IL5: variants seen among roughly 807,000 people sequenced by gnomAD.
IL5 encodes the protein interleukin 5, also known as interleukin-5.
A neutral mutation model predicts 16.3 loss-of-function variants in IL5; 12 were observed. That is an observed-to-expected ratio of 0.74 (90% confidence interval 0.47 to 1.20). The LOEUF (loss-of-function observed/expected upper bound fraction) is 1.20. IL5 is among the 50% of genes most tolerant of loss of function. IL5 has a pLI of 0.00. For missense variants in IL5, 159 were observed against 153.9 expected, an observed-to-expected ratio of 1.03 and a Z score of -0.17; for synonymous variants, 54 against 56.6, an observed-to-expected ratio of 0.95 and a Z score of 0.21.
At chr5:132,554,636 G>C (rs1749942614) in intron 1 of IL5, among the ~76,000 whole-genome samples, 1 of 152,142 alleles carries the variant, frequency 6.6e-6, no homozygotes, top group Admixed American at 6.6e-5. Context: ...CAGTATGGCA[G>C]TTCCTCAAAT....
intron 2 of IL5, 81 bp from the exon 3 acceptor site, chr5:132,542,224 A>G: frequency 2.4e-6 from 2 of 850,636 alleles, no homozygotes; most frequent in Middle Eastern, 2.3e-4. Flanking sequence ...TGCAATGTAT[A>G]CATACTTCAA....
At chr5:132,543,558 G>C, upstream of IL5, 2 of 1,398,830 alleles carry the variant, frequency 1.4e-6, no homozygotes, top group Non-Finnish European at 1.9e-6. Context: ...TTTATTGTCT[G>C]TCTTTGAGGA....
chr5:132,544,451 A>G (rs1456873644), upstream of IL5, among the ~76,000 whole-genome samples: 1 of 152,226 alleles, frequency 6.6e-6, no homozygotes, highest in African/African-American at 2.4e-5. Flanking sequence ...TAAGGGGGAC[A>G]CAGATTCTAG....
At chr5:132,556,553 A>T (rs1749988149) in intron 1 of IL5, 1 of 400,278 alleles carries the variant, frequency 2.5e-6, no homozygotes, top group African/African-American at 2.2e-5. Flanking sequence ...ACACATGCGC[A>T]CATTCCATTA....
At chr5:132,552,939 T>C (rs1349909211) in intron 1 of IL5, among the ~76,000 whole-genome samples, 1 of 152,152 alleles carries the variant, frequency 6.6e-6, no homozygotes, top group Non-Finnish European at 1.5e-5. Flanking sequence ...TTTCACCGTG[T>C]TAGCCAGGAT....
chr5:132,544,431 G>A (rs1272745325), upstream of IL5, among the ~76,000 whole-genome samples: 6 of 152,160 alleles, frequency 3.9e-5, no homozygotes. Flanking sequence ...GAAATGTGGG[G>A]TCCCAGTAGT....
intron 1 of IL5, among the ~76,000 whole-genome samples, chr5:132,554,709 T>C (rs1382171125): frequency 2.0e-5 from 3 of 152,166 alleles, no homozygotes; most frequent in Non-Finnish European, 2.9e-5. Context: ...CCCAAAAGAA[T>C]TGAAAGCAGG....
upstream of IL5, among the ~76,000 whole-genome samples, chr5:132,545,502 A>G (rs1749769235): frequency 6.6e-6 from 1 of 152,076 alleles, no homozygotes; most frequent in Non-Finnish European, 1.5e-5. Flanking sequence ...AAAATAAAAA[A>G]TTGGGCTAAA....
chr5:132,556,654 T>C (rs1749990409), intron 1 of IL5: 2 of 1,213,186 alleles, frequency 1.6e-6, no homozygotes, highest in Non-Finnish European at 2.1e-6. Context: ...AAAAGGAAAA[T>C]AGTTTTGACA....
intron 2 of IL5, 140 bp downstream of exon 2, chr5:132,542,954 A>G: frequency 4.7e-6 from 3 of 644,318 alleles, no homozygotes; most frequent in Non-Finnish European, 8.4e-6. Flanking sequence ...CATATTTATA[A>G]GTACAGACAT....
At chr5:132,550,797 G>T (rs889459509) in intron 1 of IL5, among the ~76,000 whole-genome samples, 4 of 152,206 alleles carry the variant, frequency 2.6e-5, no homozygotes, top group African/African-American at 9.7e-5. Flanking sequence ...CCAGAAGGAA[G>T]AAGTGACGCA....
At chr5:132,551,570 G>A (rs752381416) in intron 1 of IL5, among the ~76,000 whole-genome samples, 7 of 150,832 alleles carry the variant, frequency 4.6e-5, no homozygotes, top group Non-Finnish European at 8.8e-5. Context: ...GCATGTGTGT[G>A]TGTTCTGTGA....
At chr5:132,552,764 C>A (rs1460557885) in intron 1 of IL5, among the ~76,000 whole-genome samples, 1 of 152,134 alleles carries the variant, frequency 6.6e-6, no homozygotes, top group African/African-American at 2.4e-5. Flanking sequence ...GAGATAGAGT[C>A]CTGCTCTGTC....
intron 2 of IL5, among the ~76,000 whole-genome samples, chr5:132,542,409 A>G (rs567857406): frequency 2.0e-5 from 3 of 152,286 alleles, no homozygotes; most frequent in Admixed American, 1.3e-4. Flanking sequence ...ACATATTAAG[A>G]TAAAATTTTC....
At position 132,543,095 on chromosome 5, in the gene IL5, T is replaced by C; in HGVS notation, c.176A>G (p.Asn59Ser). The change falls in exon 2 of 4, where the codon AAT becomes AGT. Residue 59 changes from asparagine (N) to serine (S), a missense_variant and splice_region_variant. Transcript: ENST00000231454. ...TTACTGAATCATAATTTAACTTACA[T>C]TTTTATGTACAGGAACAGGAATCCT... ...TLRIPVPVHK[N>S]HQLCTEEIFQ... 6.2e-7 allele frequency: 1 copy of C among 1,600,534 alleles called. No homozygotes were observed. Among genetic ancestry groups the C allele is most frequent in the Non-Finnish European group, 8.6e-7 (1 of 1,168,536 alleles).
chr5:132,541,713 C>A lies in IL5; in HGVS notation c.*98G>T, dbSNP rs201000945. ...ACTTTCCCTCTGAAGTTAAATTATA[C>A]TGAAAATTAAGGCCTGACTCTTTCT... On this transcript the variant is annotated 3_prime_UTR_variant, in exon 4 of 4. Transcript: ENST00000231454. 5 of 676,392 alleles carry A rather than the reference C, an allele frequency of 7.4e-6. No individual in the cohort carries two copies. Among genetic ancestry groups the A allele is most frequent in the Non-Finnish European group, 1.3e-5 (5 of 396,096 alleles). The allele number at this position is 676,392 out of a possible 1,614,324, so 41.9% of individuals were successfully genotyped here.
Position 132,542,878 on chromosome 5 carries a change from TAAC to T in IL5, c.177+213_177+215del, listed in dbSNP as rs759882592. On this transcript the variant is annotated intron_variant, in intron 2 of 3. Coordinates refer to ENST00000231454, the MANE Select transcript of IL5 (RefSeq NM_000879.3). ...ACACGATGCTCTTTGGGAGGCAAAC[TAAC>T]AACATCACCAAAGAGCCTAATCCAC... Among the ~76,000 whole-genome samples the T allele has an allele frequency of 6.0e-4, 92 of 152,302 alleles. No homozygotes were observed. In the Middle Eastern group the frequency reaches 0.014, roughly 23 times the overall value.
upstream of IL5, among the ~76,000 whole-genome samples, chr5:132,546,299 C>T (rs1749785626): frequency 1.3e-5 from 2 of 152,094 alleles, no homozygotes; most frequent in African/African-American, 2.4e-5. Flanking sequence ...CATTAAACAA[C>T]AGCTCCCAAC....
rs1749695802 is a variant in IL5, at chr5:132,541,816, T to C, written c.400A>G (p.Ser134Gly). The C allele has an allele frequency of 6.2e-7, 1 of 1,608,952 alleles. No homozygotes were observed. Among genetic ancestry groups the C allele is most frequent in the South Asian group, 1.1e-5 (1 of 90,500 alleles). The change falls in exon 4 of 4, where the codon AGT becomes GGT. Residue 134 changes from serine to glycine, a missense_variant. Coordinates refer to ENST00000231454, the MANE Select transcript of IL5 (RefSeq NM_000879.3). ...GVMNTEWIIE[S>G] ...TGCAACAAACCAGTTTAGTCTCAACTTTCTATTATCCACTCGGTGTTCATT... is the reference window on the plus strand; with the variant it reads ...TGCAACAAACCAGTTTAGTCTCAACCTTCTATTATCCACTCGGTGTTCATT...
Sources: gnomAD v4.1 joint callset for allele counts (sites outside exome capture counted in the v4.1 genomes callset) on GRCh38, gnomAD v4.1.1 for gene constraint, MANE v1.5 for transcripts, NCBI Gene and HGNC (gene_info 2026-07-23, HGNC 2026-07-21) for gene names.